Variants in SYNPR observed in about 807,000 individuals in gnomAD.
SYNPR encodes synaptoporin.
SYNPR carries 23 observed loss-of-function variants against 32.9 expected under a neutral mutation model. The ratio of observed to expected loss-of-function variants is 0.70; its 90% confidence interval spans 0.50 to 0.99. The LOEUF is 0.99. Ranked by LOEUF, SYNPR falls within the 50% of genes least tolerant of loss-of-function variation. The pLI is 0.00. For synonymous variants in SYNPR, 146 were observed against 135.9 expected (o/e 1.07, Z -0.52); for missense variants, 318 against 349.3 (o/e 0.91, Z 0.71).
chr3:63,514,937 G>A (rs775530960), intron 3 of SYNPR, among the ~76,000 whole-genome samples: 5 of 152,016 alleles, frequency 3.3e-5, no homozygotes, highest in Non-Finnish European at 5.9e-5. Context: ...CTTTCCTTCC[G>A]TTACAGAGAT....
intron 2 of SYNPR, among the ~76,000 whole-genome samples, chr3:63,467,932 GC>G (rs1700715276): frequency 6.6e-6 from 1 of 152,054 alleles, no homozygotes; most frequent in African/African-American, 2.4e-5. Flanking sequence ...GGGCACGGTG[GC>G]TCACACCTGT....
chr3:63,291,741 AT>A (rs1328746383), intron 2 of SYNPR, among the ~76,000 whole-genome samples: 1 of 152,218 alleles, frequency 6.6e-6, no homozygotes, highest in Non-Finnish European at 1.5e-5. Context: ...TGATAGTGGC[AT>A]TAAACTCCAG....
chr3:63,609,086 T>A (rs1417244762), intron 4 of SYNPR, 39 bp from the exon 5 acceptor site: 1 of 1,546,846 alleles, frequency 6.5e-7, no homozygotes, highest in African/African-American at 1.4e-5. Context: ...AGAACTCACA[T>A]TTTCTTTTAC....
the SYNPR span, among the ~76,000 whole-genome samples, chr3:63,220,069 G>C: frequency 6.6e-6 from 1 of 152,182 alleles, no homozygotes; most frequent in Non-Finnish European, 1.5e-5. Flanking sequence ...TTTGTTCACT[G>C]TTGTAACCCA....
intron 2 of SYNPR, among the ~76,000 whole-genome samples, chr3:63,380,617 C>A (rs915768729): frequency 2.0e-5 from 3 of 151,942 alleles, no homozygotes; most frequent in Non-Finnish European, 4.4e-5. Context: ...GATTTTAGAC[C>A]AATATCCCTG....
intron 2 of SYNPR, among the ~76,000 whole-genome samples, chr3:63,446,576 C>T (rs1700281475): frequency 1.3e-5 from 2 of 152,244 alleles, no homozygotes; most frequent in African/African-American, 2.4e-5. Context: ...AATTTCTCTT[C>T]AAGTGGCAGC....
At chr3:63,552,783 G>A (rs1304247331) in intron 3 of SYNPR, among the ~76,000 whole-genome samples, 2 of 152,136 alleles carry the variant, frequency 1.3e-5, no homozygotes, top group African/African-American at 4.8e-5. Context: ...ATCAGGCTCT[G>A]GAGTTTGATG....
At chr3:63,245,860 A>G (rs1043148468) in intron 1 of SYNPR, among the ~76,000 whole-genome samples, 6 of 151,888 alleles carry the variant, frequency 4.0e-5, no homozygotes, top group Non-Finnish European at 7.4e-5. Context: ...TTTTCTAACA[A>G]TGAACAGTCT....
chr3:63,581,294 G>T (rs1184774053), intron 4 of SYNPR, among the ~76,000 whole-genome samples: 1 of 152,106 alleles, frequency 6.6e-6, no homozygotes, highest in Non-Finnish European at 1.5e-5. Context: ...CTTCGGGAAG[G>T]TTGGTGGAGG....
rs116496821 is a variant in SYNPR at position 63,248,873 on chromosome 3, G to A, written n.67-3626G>A. ...TCCCATTTTGATGAGAATTAGCTCTGCATTTGCAGTGTGAAGATATGATAA... is the reference window on the plus strand; with the variant it reads ...TCCCATTTTGATGAGAATTAGCTCTACATTTGCAGTGTGAAGATATGATAA... On this transcript the variant is annotated intron_variant and non_coding_transcript_variant, in intron 1 of 4. Coordinates refer to the SYNPR transcript ENST00000478456. Among the ~76,000 whole-genome samples, 180 of 152,202 alleles carry A rather than the reference G, an allele frequency of 1.2e-3. 1 individual carries two copies. The highest frequency in any genetic ancestry group is 1.9e-3 in the Non-Finnish European group (132 of 68,008).
At chr3:63,477,676 G>A (rs1181754809) in intron 2 of SYNPR, among the ~76,000 whole-genome samples, 2 of 152,178 alleles carry the variant, frequency 1.3e-5, no homozygotes, top group African/African-American at 4.8e-5. Flanking sequence ...TCTAGGGTTA[G>A]CAGCTTAACT....
chr3:63,582,895 A>C (rs1302878948), intron 4 of SYNPR, among the ~76,000 whole-genome samples: 1 of 152,006 alleles, frequency 6.6e-6, no homozygotes, highest in Non-Finnish European at 1.5e-5. Context: ...GAATTTGATG[A>C]GATTAGCTCA....
chr3:63,475,235 T>G (rs1049860095), intron 2 of SYNPR, among the ~76,000 whole-genome samples: 5 of 152,118 alleles, frequency 3.3e-5, no homozygotes, highest in Non-Finnish European at 4.4e-5. Flanking sequence ...TGAGAGTAAT[T>G]TTTTGTAAGG....
At chr3:63,410,705 G>A (rs1302860830) in intron 2 of SYNPR, among the ~76,000 whole-genome samples, 1 of 152,154 alleles carries the variant, frequency 6.6e-6, no homozygotes, top group Non-Finnish European at 1.5e-5. Flanking sequence ...TAGAACATAT[G>A]CATGTGACCA....
At chr3:63,369,029 C>A (rs1038381616) in intron 2 of SYNPR, among the ~76,000 whole-genome samples, 1 of 152,126 alleles carries the variant, frequency 6.6e-6, no homozygotes, top group Non-Finnish European at 1.5e-5. Flanking sequence ...GATGTCTTAA[C>A]CCCCAATATC....
intron 4 of SYNPR, among the ~76,000 whole-genome samples, chr3:63,582,107 C>T (rs1031417427): frequency 2.9e-5 from 3 of 103,742 alleles, no homozygotes; most frequent in South Asian, 3.1e-4. Context: ...GAATTGAGTG[C>T]GGCTTTGGTT....
At chr3:63,300,846 G>A (rs528191968) in intron 2 of SYNPR, among the ~76,000 whole-genome samples, 1 of 152,048 alleles carries the variant, frequency 6.6e-6, no homozygotes, top group South Asian at 2.1e-4. Context: ...TTCCTGGAAA[G>A]CACTCCCCCA....
intron 4 of SYNPR, among the ~76,000 whole-genome samples, chr3:63,556,982 A>C (rs188686419): frequency 1.4e-3 from 214 of 152,282 alleles, no homozygotes; most frequent in Admixed American, 2.5e-3. Flanking sequence ...ATGATTAGAA[A>C]TCTCATGAGA....
rs576753379 is a variant in SYNPR at position 63,328,104 on chromosome 3, T to C, written c.84+49362T>C. Among the ~76,000 whole-genome samples, 23 of 152,326 alleles carry C rather than the reference T, an allele frequency of 1.5e-4. No individual in the cohort carries two copies. In the South Asian group the frequency reaches 2.9e-3, roughly 19 times the overall value. On this transcript the variant is annotated intron_variant, in intron 2 of 5. Transcript: ENST00000478300. ...GTGTCCCCATGATTAGGTTTTAACA[T>C]GACTTTTAAGAAATTCTACAAATCT...
Sources: gnomAD v4.1 joint callset for allele counts (sites outside exome capture counted in the v4.1 genomes callset) on GRCh38, gnomAD v4.1.1 for gene constraint, MANE v1.5 for transcripts, NCBI Gene and HGNC (gene_info 2026-07-23, HGNC 2026-07-21) for gene names.